The following EYS variants were observed in gnomAD, a reference collection of about 807,000 sequenced individuals.
EYS encodes EGF-like photoreceptor maintenance factor, also known as protein eyes shut homolog.
A neutral mutation model predicts 282.1 loss-of-function variants in EYS; 250 were observed. The ratio of observed to expected loss-of-function variants is 0.89; its 90% CI spans 0.80 to 0.98. The LOEUF (loss-of-function observed/expected upper bound fraction) is 0.98, where lower values mean the gene tolerates loss of function less well. Ranked by LOEUF, EYS falls within the 50% of genes least tolerant of loss-of-function variation. EYS has a pLI of 0.00. For missense variants in EYS, 4,016 were observed against 3,709.0 expected, an observed-to-expected ratio of 1.08 and a Z score of -2.15; for synonymous variants, 1,355 against 1,282.9, an observed-to-expected ratio of 1.06 and a Z score of -1.20.
At chr6:65,057,539 G>T in intron 13 of EYS, 75 bp downstream of exon 13, 1 of 877,580 alleles carries the variant, frequency 1.1e-6, no homozygotes. Context: ...AGACTGAAAT[G>T]AGTTCAGACA....
intron 13 of EYS, among the ~76,000 whole-genome samples, chr6:65,039,734 T>A (rs561291307): frequency 6.6e-6 from 1 of 151,658 alleles, no homozygotes; most frequent in African/African-American, 2.4e-5. Context: ...GAAAGTTTAA[T>A]TTATAATCTC....
intron 12 of EYS, among the ~76,000 whole-genome samples, chr6:65,076,999 GTAT>G (rs1774074157): frequency 6.6e-6 from 1 of 151,922 alleles, no homozygotes. Flanking sequence ...AATAACAGTA[GTAT>G]AGTACACACT....
At chr6:64,751,562 C>G (rs1772757787) in intron 22 of EYS, among the ~76,000 whole-genome samples, 1 of 152,240 alleles carries the variant, frequency 6.6e-6, no homozygotes, top group Non-Finnish European at 1.5e-5. Context: ...AGCACAGAGA[C>G]AAGGCCACAG....
In EYS at chr6:65,417,944, A is replaced by T. The variant is rs139407570; in HGVS notation, c.863-12577T>A. Among the ~76,000 whole-genome samples the T allele has an allele frequency of 2.0e-5, 3 of 152,004 alleles. No individual in the cohort carries two copies. In the South Asian group the frequency reaches 6.2e-4, roughly 31 times the overall value. On this transcript the variant is annotated intron_variant, in intron 5 of 42. Coordinates refer to ENST00000503581, the MANE Select transcript of EYS (RefSeq NM_001142800.2). ...CAACAACAAAAAGCACATGGGGAGC[A>T]AATAGATATGGCCCCTAAAATAAAT...
At chr6:65,372,009 C>G (rs1284407384) in intron 8 of EYS, among the ~76,000 whole-genome samples, 1 of 133,042 alleles carries the variant, frequency 7.5e-6, no homozygotes, top group African/African-American at 2.7e-5. Flanking sequence ...AAAAAAAAAG[C>G]AAAACTGATT....
chr6:64,967,084 A>T (rs928077553), intron 14 of EYS, among the ~76,000 whole-genome samples: 2 of 152,190 alleles, frequency 1.3e-5, no homozygotes, highest in African/African-American at 4.8e-5. Flanking sequence ...ATCAACTACC[A>T]CTACCTTATT....
At chr6:64,739,873 A>T (rs796160294) in intron 22 of EYS, among the ~76,000 whole-genome samples, 1 of 152,134 alleles carries the variant, frequency 6.6e-6, no homozygotes, top group Non-Finnish European at 1.5e-5. Flanking sequence ...AAACAATACT[A>T]TTATTAGGAA....
In EYS at chr6:63,974,478, G is replaced by T. The variant is rs537143738; in HGVS notation, c.7055+9905C>A. On this transcript the variant is annotated intron_variant, in intron 35 of 42. Coordinates refer to ENST00000503581, the MANE Select transcript of EYS (RefSeq NM_001142800.2). ...AGGAGAGAAAAGATAGTTTTCAGATGGGATTTAAGCCAGAGAAGTCTCTTA... is the reference window on the plus strand; with the variant it reads ...AGGAGAGAAAAGATAGTTTTCAGATTGGATTTAAGCCAGAGAAGTCTCTTA... Among the ~76,000 whole-genome samples, 37 of 152,110 alleles carry T rather than the reference G, an allele frequency of 2.4e-4. 1 individual carries two copies. In the South Asian group the frequency reaches 7.7e-3, roughly 32 times the overall value.
At chr6:65,656,010 C>T (rs539959674) in intron 1 of EYS, among the ~76,000 whole-genome samples, 15 of 151,774 alleles carry the variant, frequency 9.9e-5, no homozygotes, top group Admixed American at 6.6e-4. Flanking sequence ...ATATTTCAGA[C>T]GTTTTCATTA....
Position 65,310,881 on chromosome 6 carries a change from T to G in EYS, c.1767-14762A>C, listed in dbSNP as rs200542490. ...TCTGTTTTATATCTTCGTGGCAATATTGCCAACTGAAATTTTATTATTATT... is the reference window on the plus strand; with the variant it reads ...TCTGTTTTATATCTTCGTGGCAATAGTGCCAACTGAAATTTTATTATTATT... On this transcript the variant is annotated intron_variant, in intron 11 of 42. Coordinates refer to ENST00000503581, the MANE Select transcript of EYS (RefSeq NM_001142800.2). Among the ~76,000 whole-genome samples, 42 of 152,276 alleles carry G rather than the reference T, an allele frequency of 2.8e-4. No individual in the cohort carries two copies. In the East Asian group the frequency reaches 7.5e-3, roughly 27 times the overall value.
At chr6:64,667,854 C>T (rs1769287705) in intron 22 of EYS, among the ~76,000 whole-genome samples, 1 of 152,086 alleles carries the variant, frequency 6.6e-6, no homozygotes, top group Non-Finnish European at 1.5e-5. Flanking sequence ...AGTGAAAGGA[C>T]TCCATGTATT....
At chr6:65,223,409 C>T (rs772664730) in intron 12 of EYS, among the ~76,000 whole-genome samples, 2 of 151,994 alleles carry the variant, frequency 1.3e-5, no homozygotes, top group Non-Finnish European at 2.9e-5. Context: ...ACAGAAACTG[C>T]CAAATATTAA....
intron 13 of EYS, among the ~76,000 whole-genome samples, chr6:65,040,529 C>A (rs1178205793): frequency 6.6e-6 from 1 of 151,688 alleles, no homozygotes; most frequent in Middle Eastern, 3.2e-3. Context: ...ACTTTATTTA[C>A]AAATAACATT....
intron 41 of EYS, 55 bp downstream of exon 41, chr6:63,762,406 T>G (rs181947148): frequency 1.9e-4 from 290 of 1,491,384 alleles, no homozygotes; most frequent in Admixed American, 1.7e-3. Context: ...GACTTTGAAG[T>G]TCCTAATTTT....
At chr6:63,912,678 G>A (rs1034357341) in intron 35 of EYS, among the ~76,000 whole-genome samples, 2 of 152,048 alleles carry the variant, frequency 1.3e-5, no homozygotes, top group East Asian at 3.9e-4. Flanking sequence ...TTATGGGGGT[G>A]GATTTCTCAT....
chr6:65,388,316 T>A (rs2150354404), intron 7 of EYS, among the ~76,000 whole-genome samples: 1 of 152,034 alleles, frequency 6.6e-6, no homozygotes, highest in East Asian at 1.9e-4. Flanking sequence ...TATACATTAG[T>A]TTATGGGGAA....
intron 26 of EYS, among the ~76,000 whole-genome samples, chr6:64,448,015 C>T (rs1775176091): frequency 1.3e-5 from 2 of 152,212 alleles, no homozygotes; most frequent in Admixed American, 1.3e-4. Flanking sequence ...GGGTGCAGGA[C>T]AGTGGGTGCA....
intron 26 of EYS, among the ~76,000 whole-genome samples, chr6:64,511,001 C>G (rs544062325): frequency 6.6e-6 from 1 of 152,092 alleles, no homozygotes; most frequent in African/African-American, 2.4e-5. Context: ...TTCTGTCCTT[C>G]TCTCCTCCTA....
intron 2 of EYS, among the ~76,000 whole-genome samples, chr6:65,515,436 A>C (rs1237336915): frequency 6.6e-6 from 1 of 152,052 alleles, no homozygotes; most frequent in Non-Finnish European, 1.5e-5. Flanking sequence ...CCATCCCATT[A>C]CTGGGTATAT....
Sources: allele counts gnomAD v4.1 joint callset (sites outside exome capture counted in the v4.1 genomes callset), GRCh38; gene constraint gnomAD v4.1.1; transcripts MANE v1.5; gene names NCBI Gene and HGNC (gene_info 2026-07-23, HGNC 2026-07-21).